The following AOPEP variants were observed in gnomAD, a reference collection of about 807,000 sequenced individuals.
The protein encoded by AOPEP is aminopeptidase O.
In AOPEP, 77 loss-of-function variants were observed where a neutral mutation model predicts 98.1. The ratio of observed to expected loss-of-function variants is 0.78; its 90% confidence interval spans 0.65 to 0.95. AOPEP has a LOEUF of 0.95. Among genes scored for constraint, AOPEP ranks in the 40% least tolerant of loss-of-function variants. The probability of loss-of-function intolerance (pLI) is 0.00; values close to 1 mark genes in which losing one functional copy is unlikely to be tolerated. For synonymous variants in AOPEP, 346 were observed against 365.3 expected, an observed-to-expected ratio of 0.95 and a Z score of 0.60; for missense variants, 1,024 against 1,024.7, an observed-to-expected ratio of 1.00 and a Z score of 0.01.
At chr9:95,117,068 CACCT>C in the AOPEP span, among the ~76,000 whole-genome samples, 1 of 152,228 alleles carries the variant, frequency 6.6e-6, no homozygotes, top group Non-Finnish European at 1.5e-5. Flanking sequence ...AGACTAGCAA[CACCT>C]ACCAGAGGCC....
At chr9:94,767,390 A>G (rs1171834551) in intron 2 of AOPEP, among the ~76,000 whole-genome samples, 44 of 152,334 alleles carry the variant, frequency 2.9e-4, no homozygotes, top group Non-Finnish European at 1.5e-5. Flanking sequence ...CAACATAACC[A>G]ACCGAATGAG....
chr9:95,025,309 C>T (rs1159933081), intron 13 of AOPEP, among the ~76,000 whole-genome samples: 1 of 152,164 alleles, frequency 6.6e-6, no homozygotes, highest in East Asian at 1.9e-4. Flanking sequence ...TGCTGGTGTC[C>T]CCCTACTCCT....
chr9:94,752,465 C>A (rs1836045121), intron 1 of AOPEP, among the ~76,000 whole-genome samples: 2 of 151,918 alleles, frequency 1.3e-5, no homozygotes, highest in South Asian at 4.2e-4. Flanking sequence ...TTCTTATCAG[C>A]AAAAAGATAT....
At chr9:94,809,047 G>A (rs1454816441) in intron 5 of AOPEP, among the ~76,000 whole-genome samples, 3 of 152,208 alleles carry the variant, frequency 2.0e-5, no homozygotes, top group South Asian at 2.1e-4. Context: ...GAACTCACTC[G>A]ACAAACATGT....
the AOPEP span, among the ~76,000 whole-genome samples, chr9:95,130,299 TGAGAGA>T: frequency 1.2e-4 from 18 of 149,192 alleles, no homozygotes; most frequent in African/African-American, 3.7e-4. Context: ...TGTGTGTGTG[TGAGAGA>T]GAGAGAGAGA....
At chr9:94,982,304 A>G (rs1172134339) in intron 11 of AOPEP, among the ~76,000 whole-genome samples, 1 of 152,216 alleles carries the variant, frequency 6.6e-6, no homozygotes, top group Non-Finnish European at 1.5e-5. Context: ...AGTAAAAATA[A>G]CATGCCCTCC....
At chr9:94,732,077 G>A (rs796894407) in intron 1 of AOPEP, among the ~76,000 whole-genome samples, 3 of 151,838 alleles carry the variant, frequency 2.0e-5, no homozygotes, top group South Asian at 2.1e-4. Flanking sequence ...GGGTCACCCC[G>A]CCCAGCCTGT....
At chr9:94,979,711 G>A (rs1431513643) in intron 11 of AOPEP, among the ~76,000 whole-genome samples, 1 of 152,154 alleles carries the variant, frequency 6.6e-6, no homozygotes, top group Non-Finnish European at 1.5e-5. Context: ...TAGATTTTGG[G>A]TGGAACCACC....
chr9:94,822,398 G>A (rs576844267), intron 5 of AOPEP, among the ~76,000 whole-genome samples: 1 of 152,246 alleles, frequency 6.6e-6, no homozygotes, highest in South Asian at 2.1e-4. Flanking sequence ...GAAGTTTTTT[G>A]TTTGTTTTGT....
At chr9:95,101,748 G>C in the AOPEP span, 1 of 1,614,156 alleles carries the variant, frequency 6.2e-7, no homozygotes. Flanking sequence ...TCTCGGGCCA[G>C]TTTTTCTGAT....
chr9:94,773,859 A>G (rs1841444366), intron 3 of AOPEP, among the ~76,000 whole-genome samples: 1 of 152,094 alleles, frequency 6.6e-6, no homozygotes, highest in Admixed American at 6.6e-5. Context: ...TTGACCTGCC[A>G]GCCTCAATTG....
At chr9:94,910,448 C>T (rs2051857336) in intron 5 of AOPEP, among the ~76,000 whole-genome samples, 1 of 152,234 alleles carries the variant, frequency 6.6e-6, no homozygotes, top group Non-Finnish European at 1.5e-5. Context: ...GCACGCAGCA[C>T]ATCAACCGCG....
chr9:95,079,377 G>A (rs767855341), intron 14 of AOPEP, among the ~76,000 whole-genome samples: 2 of 152,334 alleles, frequency 1.3e-5, no homozygotes, highest in Non-Finnish European at 1.5e-5. Context: ...TTACTATAGA[G>A]TATCTCCCTC....
At chr9:94,793,175 C>A (rs1826217496) in intron 4 of AOPEP, among the ~76,000 whole-genome samples, 2 of 151,494 alleles carry the variant, frequency 1.3e-5, no homozygotes, top group African/African-American at 4.9e-5. Context: ...ACCATCCTGA[C>A]CAACATGGTG....
At chr9:94,873,276 A>G (rs114772293) in intron 5 of AOPEP, among the ~76,000 whole-genome samples, 3,439 of 152,284 alleles carry the variant, frequency 0.023, 129 homozygotes, top group African/African-American at 0.078. Flanking sequence ...TCCCAGATAA[A>G]ATACTTGAAT....
At chr9:94,770,188 A>G (rs983409428) in intron 2 of AOPEP, among the ~76,000 whole-genome samples, 7 of 152,198 alleles carry the variant, frequency 4.6e-5, no homozygotes, top group Admixed American at 3.3e-4. Context: ...CAAATTAAAC[A>G]GGTGCATGCC....
intron 13 of AOPEP, among the ~76,000 whole-genome samples, chr9:95,024,971 TTTG>T (rs1421818038): frequency 6.6e-6 from 1 of 152,238 alleles, no homozygotes; most frequent in Non-Finnish European, 1.5e-5. Flanking sequence ...TATTTATTTA[TTTG>T]TTATTGATGG....
chr9:95,039,309 G>A (rs1369728362), intron 13 of AOPEP, among the ~76,000 whole-genome samples: 1 of 152,148 alleles, frequency 6.6e-6, no homozygotes, highest in African/African-American at 2.4e-5. Flanking sequence ...GCTCATGCCT[G>A]TATTCCCAGC....
intron 1 of AOPEP, among the ~76,000 whole-genome samples, chr9:94,734,022 A>G (rs1273546566): frequency 2.6e-5 from 4 of 152,262 alleles, no homozygotes; most frequent in African/African-American, 7.2e-5. Flanking sequence ...ACAAAGAACT[A>G]GAATATAAAT....
Sources: allele counts gnomAD v4.1 joint callset (sites outside exome capture counted in the v4.1 genomes callset), GRCh38; gene constraint gnomAD v4.1.1; transcripts MANE v1.5; gene names NCBI Gene and HGNC (gene_info 2026-07-23, HGNC 2026-07-21).